Variants in SPTAN1 observed in about 807,000 individuals in gnomAD.
SPTAN1 encodes spectrin alpha, non-erythrocytic 1.
A neutral mutation model predicts 331.3 loss-of-function variants in SPTAN1; 61 were observed. That is an observed-to-expected ratio of 0.18 (90% CI 0.15 to 0.23). The LOEUF (loss-of-function observed/expected upper bound fraction) is 0.23. SPTAN1 is among the 10% of genes least tolerant of loss of function. SPTAN1 has a pLI of 1.00. For missense variants in SPTAN1, 2,043 were observed against 3,147.9 expected (o/e 0.65, Z 8.40); for synonymous variants, 1,153 against 1,173.9 (o/e 0.98, Z 0.36).
chr9:128,597,028 C>T (rs534684507), intron 24 of SPTAN1, among the ~76,000 whole-genome samples: 3 of 152,230 alleles, frequency 2.0e-5, no homozygotes, highest in East Asian at 1.9e-4. Flanking sequence ...GGCGTGGTAG[C>T]GCCTGCCTGT....
intron 1 of SPTAN1, among the ~76,000 whole-genome samples, chr9:128,556,241 A>C (rs1848627583): frequency 6.6e-6 from 1 of 152,048 alleles, no homozygotes; most frequent in Non-Finnish European, 1.5e-5. Context: ...ATTAAAAAAC[A>C]GCTCTCTTTA....
rs3818829 is a variant in SPTAN1 at position 128,608,795 on chromosome 9, A to G, written c.4492-79A>G. On this transcript the variant is annotated intron_variant, in intron 34 of 56. Transcript: ENST00000372739. ...TAGTTCTCAGTCACCCAAAATAACT[A>G]TCCTTTTCTCAAGACTGGCAGTCCA... The G allele has an allele frequency of 1.6e-4, 220 of 1,373,768 alleles. No individual in the cohort carries two copies. The East Asian group carries it at 3.4e-3, about 21-fold the overall frequency. The allele number at this position is 1,373,768 out of a possible 1,614,324, so 85.1% of individuals were successfully genotyped here. A position where few individuals can be genotyped will look rare whatever the true frequency, so the allele number is the denominator to read the frequency against.
rs1006757275 is a variant in SPTAN1 at position 128,632,707 on chromosome 9, G to A, written c.7149G>A (p.Val2383=). Residue 2383 remains valine (V), a synonymous_variant, in exon 55 of 57, where the codon GTG becomes GTA. Transcript: ENST00000372739. ...DPEFEAILDT[V]DPNRDGHVSL... is the part of the protein sequence containing the mutation. ...AGTTCGAGGCAATCCTGGACACGGTGGATCCGAACAGGTAAATTAATTAAG... is the reference window on the plus strand; with the variant it reads ...AGTTCGAGGCAATCCTGGACACGGTAGATCCGAACAGGTAAATTAATTAAG... 14 of 1,614,058 alleles carry A rather than the reference G, an allele frequency of 8.7e-6. No homozygotes were observed. The highest frequency in any genetic ancestry group is 1.2e-5 in the Non-Finnish European group (14 of 1,180,040).
intron 9 of SPTAN1, among the ~76,000 whole-genome samples, chr9:128,578,835 G>GAAAA (rs10600950): frequency 4.2e-5 from 5 of 119,228 alleles, no homozygotes; most frequent in Non-Finnish European, 5.4e-5. Flanking sequence ...CTGTCTCAAA[G>GAAAA]AAAAAAAAAA....
At chr9:128,624,790 A>G (rs1030218078) in intron 46 of SPTAN1, 1 of 564,726 alleles carries the variant, frequency 1.8e-6, no homozygotes, top group Non-Finnish European at 3.2e-6. Flanking sequence ...AGGCACCACT[A>G]GCTGCCCTGG....
chr9:128,613,513 G>C, intron 40 of SPTAN1, 28 bp downstream of exon 40: 1 of 1,569,682 alleles, frequency 6.4e-7, no homozygotes, highest in Non-Finnish European at 8.8e-7. Context: ...GGCCAGGCCC[G>C]AGTGCCTGGG....
intron 1 of SPTAN1, 139 bp from the exon 2 acceptor site, chr9:128,566,599 C>A: frequency 7.7e-7 from 1 of 1,296,068 alleles, no homozygotes. Flanking sequence ...CTTCATTGTT[C>A]CTAAGAAGGG....
intron 3 of SPTAN1, among the ~76,000 whole-genome samples, chr9:128,574,050 G>A (rs1047817743): frequency 1.3e-5 from 2 of 152,276 alleles, no homozygotes; most frequent in Admixed American, 6.5e-5. Context: ...GCTGCACCCA[G>A]CCTCCCCTTT....
intron 44 of SPTAN1, among the ~76,000 whole-genome samples, chr9:128,619,808 G>A (rs1003127234): frequency 2.0e-5 from 3 of 152,208 alleles, no homozygotes; most frequent in Non-Finnish European, 2.9e-5. Context: ...ATAACAACCC[G>A]CCTAAATGTA....
At chr9:128,607,256 A>T (rs1856015192) in intron 31 of SPTAN1, among the ~76,000 whole-genome samples, 1 of 151,372 alleles carries the variant, frequency 6.6e-6, no homozygotes, top group South Asian at 2.1e-4. Context: ...CTCCTGCCTC[A>T]GCCTCCCAAA....
rs146432265 is a variant in SPTAN1 at position 128,619,341 on chromosome 9, T to C, written c.5733+338T>C. 1.3e-3 allele frequency among the ~76,000 whole-genome samples: 203 copies of C among 152,064 alleles called. 2 individuals carry two copies. The East Asian group carries it at 0.029, about 22-fold the overall frequency. ...CACGAACGGAGTACCACAGACAGAG[T>C]GGCACAGATGGAGTGGCTGAGGACA... On this transcript the variant is annotated intron_variant, in intron 44 of 56. Transcript: ENST00000372739.
rs1282937209 is a variant in SPTAN1 at position 128,632,641 on chromosome 9, C to T, written c.7083C>T (p.Gly2361=). The change falls in exon 55 of 57, where the codon GGC becomes GGT. Residue 2361 remains glycine, a synonymous_variant. Coordinates refer to ENST00000372739, the MANE Select transcript of SPTAN1 (RefSeq NM_001130438.3). The part of the protein sequence containing the change: ...QEFKSCLRSL[G]YDLPMVEEGE... ...TCAAATCTTGCCTGCGCTCCCTGGGCTATGACCTGCCCATGGTGGAGGAAG... is the reference window on the plus strand; with the variant it reads ...TCAAATCTTGCCTGCGCTCCCTGGGTTATGACCTGCCCATGGTGGAGGAAG... The T allele has an allele frequency of 3.1e-6, 5 of 1,613,952 alleles. No homozygotes were observed. Among genetic ancestry groups the T allele is most frequent in the Non-Finnish European group, 3.4e-6 (4 of 1,180,026 alleles).
At chr9:128,628,440 C>T in intron 51 of SPTAN1, 1 of 345,902 alleles carries the variant, frequency 2.9e-6, no homozygotes, top group South Asian at 2.2e-5. Flanking sequence ...TGCCACTTTA[C>T]TTTCCTGGGG....
chr9:128,560,122 C>T (rs550535403), intron 1 of SPTAN1, among the ~76,000 whole-genome samples: 88 of 140,272 alleles, frequency 6.3e-4, no homozygotes, highest in Admixed American at 2.1e-3. Context: ...CTCGCTCTGT[C>T]GCCCAGGCTG....
At chr9:128,575,421 A>G (rs761923297) in intron 5 of SPTAN1, 76 bp downstream of exon 5, 2 of 1,544,194 alleles carry the variant, frequency 1.3e-6, no homozygotes, top group Non-Finnish European at 1.8e-6. Flanking sequence ...TAAAATTTTG[A>G]TGATTGGTCC....
chr9:128,558,253 T>A (rs948811462), intron 1 of SPTAN1, among the ~76,000 whole-genome samples: 8 of 152,218 alleles, frequency 5.3e-5, no homozygotes, highest in Non-Finnish European at 8.8e-5. Flanking sequence ...TTTATCCCCC[T>A]GAGATTCGCA....
rs1275153887 is a variant in SPTAN1, at chr9:128,626,425, C to T, written c.6314C>T (p.Ala2105Val). 3.7e-6 allele frequency: 6 copies of T among 1,614,224 alleles called. No homozygotes were observed. The highest frequency in any genetic ancestry group is 5.1e-6 in the Non-Finnish European group (6 of 1,180,042). ...CTCTTCCTGACCTTCGCCAAAAAGG[C>T]TTCTGCCTTCAACAGCTGGTTTGAA... is the stretch of plus-strand genomic sequence containing the variant. ...EDLFLTFAKKASAFNSWFENA... is the reference protein window; with the variant it reads ...EDLFLTFAKKVSAFNSWFENA... The change falls in exon 49 of 57, where the codon GCT becomes GTT. Residue 2105 changes from alanine to valine, a missense_variant. By Grantham distance (64) the Ala-to-Val change is moderately conservative. Transcript: ENST00000372739.
At position 128,584,193 on chromosome 9, in the gene SPTAN1, G is replaced by A. The variant is rs28605457; in HGVS notation, c.2194-89G>A. Reference sequence around the variant, plus strand: ...GGAGATAGCAGAAAGAATCCTCTCAGGAATGGAAAAAAGACCTTATCAATT... The same window carrying A: ...GGAGATAGCAGAAAGAATCCTCTCAAGAATGGAAAAAAGACCTTATCAATT... On this transcript the variant is annotated intron_variant, in intron 16 of 56. Coordinates refer to ENST00000372739, the MANE Select transcript of SPTAN1 (RefSeq NM_001130438.3). 2,600 of 1,595,808 alleles carry A rather than the reference G, an allele frequency of 1.6e-3. 40 individuals are homozygous for A. In the African/African-American group the frequency reaches 0.031, roughly 19 times the overall value.
intron 19 of SPTAN1, among the ~76,000 whole-genome samples, chr9:128,586,330 G>A (rs79726731): frequency 0.021 from 3,167 of 151,688 alleles, 116 homozygotes; most frequent in African/African-American, 0.073. Context: ...ACAGGGTCTC[G>A]CTATGTTGTC....
Sources: gnomAD v4.1 joint callset for allele counts (sites outside exome capture counted in the v4.1 genomes callset) on GRCh38, gnomAD v4.1.1 for gene constraint, MANE v1.5 for transcripts, NCBI Gene and HGNC (gene_info 2026-07-23, HGNC 2026-07-21) for gene names.